The following EIF2AK1 variants were observed in gnomAD, a reference collection of about 807,000 sequenced individuals.
EIF2AK1 encodes eukaryotic translation initiation factor 2 alpha kinase 1.
Under a neutral mutation model 77.9 loss-of-function variants are expected in EIF2AK1, and 54 were observed. The ratio of observed to expected loss-of-function variants is 0.69; its 90% confidence interval spans 0.56 to 0.87. EIF2AK1 has a LOEUF of 0.87. Ranked by LOEUF, EIF2AK1 falls within the 40% of genes least tolerant of loss-of-function variation. The pLI, the probability that EIF2AK1 is intolerant of heterozygous loss-of-function variation, is 0.00. For synonymous variants in EIF2AK1, 314 were observed against 290.5 expected, an observed-to-expected ratio of 1.08 and a Z score of -0.82; for missense variants, 810 against 768.6, an observed-to-expected ratio of 1.05 and a Z score of -0.64.
At chr7:6,039,579 C>T (rs928425120) in intron 9 of EIF2AK1, among the ~76,000 whole-genome samples, 2 of 143,940 alleles carry the variant, frequency 1.4e-5, no homozygotes, top group African/African-American at 5.3e-5. Flanking sequence ...TGAGATGGCA[C>T]CATTGCACTC....
intron 6 of EIF2AK1, 79 bp downstream of exon 6, chr7:6,045,992 T>C: frequency 1.1e-6 from 1 of 909,876 alleles, no homozygotes; most frequent in Non-Finnish European, 1.6e-6. Context: ...TTGCCAAATA[T>C]ACACATATAC....
chr7:6,051,557 G>A (rs1583497804), intron 2 of EIF2AK1, among the ~76,000 whole-genome samples: 1 of 151,920 alleles, frequency 6.6e-6, no homozygotes, highest in Non-Finnish European at 1.5e-5. Context: ...ACCCTCCCAA[G>A]TAGCTGGGAT....
chr7:6,051,784 A>G, intron 2 of EIF2AK1, among the ~76,000 whole-genome samples: 1 of 150,830 alleles, frequency 6.6e-6, no homozygotes, highest in Non-Finnish European at 1.5e-5. Context: ...ATTTGTTGCT[A>G]AAAAAAAAGA....
intron 1 of EIF2AK1, among the ~76,000 whole-genome samples, chr7:6,056,301 A>T (rs956717228): frequency 6.8e-6 from 1 of 147,960 alleles, no homozygotes; most frequent in African/African-American, 2.5e-5. Context: ...TCAAAAAAAA[A>T]AAAAAAAAAA....
At chr7:6,053,825 G>A (rs936641543) in intron 2 of EIF2AK1, among the ~76,000 whole-genome samples, 11 of 130,000 alleles carry the variant, frequency 8.5e-5, no homozygotes, top group Non-Finnish European at 1.3e-4. Context: ...GTGCCATTAC[G>A]CCTGGGTAGT....
Position 6,027,176 on chromosome 7 carries a change from AG to A in EIF2AK1, c.1531-216del, listed in dbSNP as rs1787771603. 1.3e-5 allele frequency among the ~76,000 whole-genome samples: 2 copies of A among 152,190 alleles called. No individual in the cohort carries two copies. Among genetic ancestry groups the A allele is most frequent in the African/African-American group, 4.8e-5 (2 of 41,450 alleles). On this transcript the variant is annotated intron_variant, in intron 13 of 14. Transcript: ENST00000199389. The surrounding 1 kb of genome is among the most constrained non-coding windows in gnomAD (Gnocchi z 4.5). ...CCGTGGGCACGCAGAATGGATGGTC[AG>A]GTGGAGGGCAGGGATAATCCCCACC...
In EIF2AK1 at chr7:6,048,861, G is replaced by A. The variant is rs780162602; in HGVS notation, c.412-17C>T. 1.5e-5 allele frequency: 23 copies of A among 1,561,588 alleles called. No homozygotes were observed. Among genetic ancestry groups the A allele is most frequent in the Non-Finnish European group, 1.9e-5 (22 of 1,159,050 alleles). ...ACAAGGATCCTACAATTAAAAAATTGTTTTTAAAAAGCATTTTGAAAACTT... is the reference window on the plus strand; with the variant it reads ...ACAAGGATCCTACAATTAAAAAATTATTTTTAAAAAGCATTTTGAAAACTT... On this transcript the variant is annotated splice_polypyrimidine_tract_variant and intron_variant, in intron 3 of 14. Coordinates refer to ENST00000199389, the MANE Select transcript of EIF2AK1 (RefSeq NM_014413.4).
chr7:6,040,057 C>T (rs1244165436), intron 9 of EIF2AK1, among the ~76,000 whole-genome samples: 1 of 152,018 alleles, frequency 6.6e-6, no homozygotes, highest in African/African-American at 2.4e-5. Context: ...TGTGTAGACC[C>T]TGACAATTTT....
At chr7:6,050,780 T>C (rs1380487410) in intron 2 of EIF2AK1, among the ~76,000 whole-genome samples, 3 of 152,020 alleles carry the variant, frequency 2.0e-5, no homozygotes, top group Non-Finnish European at 4.4e-5. Flanking sequence ...TTTTTTTGTA[T>C]ATTTAGTAGA....
At chr7:6,038,499 T>G in intron 10 of EIF2AK1, 61 bp downstream of exon 10, 1,983 of 1,208,722 alleles carry the variant, frequency 1.6e-3, no homozygotes, top group Non-Finnish European at 2.1e-3. Flanking sequence ...AACTCCTACA[T>G]GAGATGGGGA....
Position 6,024,196 on chromosome 7 carries a change from A to T in EIF2AK1, c.*477T>A, listed in dbSNP as rs772538580. 8.0e-7 allele frequency: 1 copy of T among 1,250,624 alleles called. No individual in the cohort carries two copies. Among genetic ancestry groups the T allele is most frequent in the Non-Finnish European group, 1.0e-6 (1 of 969,354 alleles). The allele number at this position is 1,250,624 out of a possible 1,614,324, so 77.5% of individuals were successfully genotyped here. Reference sequence around the variant, plus strand: ...GAAGTTGAGCTTTTATCTTAGAGGCAGCAGAAGGTTTGGAGCCAAGGAATG... The same window carrying T: ...GAAGTTGAGCTTTTATCTTAGAGGCTGCAGAAGGTTTGGAGCCAAGGAATG... On this transcript the variant is annotated 3_prime_UTR_variant, in exon 15 of 15. Transcript: ENST00000199389.
intron 1 of EIF2AK1, among the ~76,000 whole-genome samples, chr7:6,055,361 A>AAAAAG (rs1554324257): frequency 6.6e-6 from 1 of 151,372 alleles, no homozygotes; most frequent in Non-Finnish European, 1.5e-5. Context: ...AAAAAAAAAA[A>AAAAAG]AAGAAGTTGG....
rs917753448 is a variant in EIF2AK1, at chr7:6,032,949, C to T, written c.1333-3917G>A. On this transcript the variant is annotated intron_variant, in intron 11 of 14. Coordinates refer to ENST00000199389, the MANE Select transcript of EIF2AK1 (RefSeq NM_014413.4). This position sits in a 1 kb window ranked among gnomAD's most constrained non-coding sequence, Gnocchi z 4.3. The stretch of plus-strand genomic sequence containing the variant: ...ACCCAGAAGTCAGGTAAGTTAACTC[C>T]ACCGAAAATCATTTCTTTTTTTTTC... 58 of 1,541,100 alleles carry T rather than the reference C, an allele frequency of 3.8e-5. No homozygotes were observed. The Admixed American group carries it at 1.1e-3, about 30-fold the overall frequency.
rs1787768598 is a variant in EIF2AK1 at position 6,027,058 on chromosome 7, T to TAA, written c.1531-99_1531-98dup. ...CACCCTCCAAACAGGAGAGGGTTTC[T>TAA]AAGAATGAGGATATACGGTCACCCA... On this transcript the variant is annotated intron_variant, in intron 13 of 14. Transcript: ENST00000199389. This position sits in a 1 kb window ranked among gnomAD's most constrained non-coding sequence, Gnocchi z 4.5. The TAA allele has an allele frequency of 1.0e-6, 1 of 1,001,124 alleles. No individual in the cohort carries two copies. The highest frequency in any genetic ancestry group is 1.6e-5 in the African/African-American group (1 of 62,316). The allele number at this position is 1,001,124 out of a possible 1,614,324, so 62.0% of individuals were successfully genotyped here. A position where few individuals can be genotyped will look rare whatever the true frequency, so the allele number is the denominator to read the frequency against.
chr7:6,038,875 G>A (rs552103372), intron 9 of EIF2AK1, among the ~76,000 whole-genome samples: 1 of 152,214 alleles, frequency 6.6e-6, no homozygotes, highest in South Asian at 2.1e-4. Context: ...TAATGAAAGT[G>A]ACAGATAAGG....
At chr7:6,047,147 A>G (rs1788469732) in intron 4 of EIF2AK1, 56 bp from the exon 5 acceptor site, 2 of 1,503,194 alleles carry the variant, frequency 1.3e-6, no homozygotes, top group South Asian at 2.3e-5. Flanking sequence ...AAAATGTTCT[A>G]GGATACCTCA....
Position 6,038,526 on chromosome 7 carries a change from A to G in EIF2AK1, c.1231+34T>C, listed in dbSNP as rs771274108. 1.8e-5 allele frequency: 28 copies of G among 1,561,966 alleles called. No homozygotes were observed. The East Asian group carries it at 4.2e-4, about 23-fold the overall frequency. On this transcript the variant is annotated intron_variant, in intron 10 of 14. Coordinates refer to ENST00000199389, the MANE Select transcript of EIF2AK1 (RefSeq NM_014413.4). ...AGATGGGGAAGGTGTGACTGTGTCT[A>G]TTTCCCGGCCCGGCAGACCCAGATG... is the stretch of plus-strand genomic sequence containing the variant.
Position 6,037,524 on chromosome 7 carries a change from C to A in EIF2AK1, c.1232G>T (p.Cys411Phe). 1.3e-6 allele frequency: 2 copies of A among 1,587,496 alleles called. No individual in the cohort carries two copies. The change falls in exon 11 of 15, where the codon TGT (cysteine) becomes TTT (phenylalanine). Residue 411 changes from cysteine to phenylalanine, a missense_variant and splice_region_variant. Cys to Phe is a radical substitution (Grantham distance 205, BLOSUM62 -2). Coordinates refer to ENST00000199389, the MANE Select transcript of EIF2AK1 (RefSeq NM_014413.4). Reference protein sequence around the residue: ...RGREYVDESACPYVMANVATK... With the variant: ...RGREYVDESAFPYVMANVATK... ...TGCAACATTGGCCATAACATAAGGACCTTGAAGTAAAAAAAAATAGTTTTA... is the reference window on the plus strand; with the variant it reads ...TGCAACATTGGCCATAACATAAGGAACTTGAAGTAAAAAAAAATAGTTTTA...
intron 8 of EIF2AK1, 105 bp downstream of exon 8, chr7:6,042,828 T>G: frequency 1.1e-6 from 1 of 892,802 alleles, no homozygotes; most frequent in African/African-American, 1.7e-5. Flanking sequence ...ATTGTGCCAC[T>G]GCACTCTAGT....
Sources: allele counts gnomAD v4.1 joint callset (sites outside exome capture counted in the v4.1 genomes callset), GRCh38; gene constraint gnomAD v4.1.1; non-coding constraint Gnocchi (gnomAD v3.1); transcripts MANE v1.5; gene names NCBI Gene and HGNC (gene_info 2026-07-23, HGNC 2026-07-21).